The following KAT7 variants were observed in gnomAD, a reference collection of about 807,000 sequenced individuals.
KAT7 encodes the protein lysine acetyltransferase 7, also known as histone acetyltransferase KAT7.
KAT7 carries 10 observed loss-of-function variants against 82.1 expected under a neutral mutation model. That is an observed-to-expected ratio of 0.12 (90% confidence interval 0.08 to 0.21). KAT7 has a LOEUF of 0.21. KAT7 is among the 10% of genes least tolerant of loss of function. KAT7 has a pLI of 1.00. For synonymous variants in KAT7, 250 were observed against 262.5 expected, an observed-to-expected ratio of 0.95 and a Z score of 0.46; for missense variants, 378 against 760.9, an observed-to-expected ratio of 0.50 and a Z score of 5.92.
At position 49,828,720 on chromosome 17, in the gene KAT7, C is replaced by T. The variant is rs1234950520; in HGVS notation, c.*1218C>T. On this transcript the variant is annotated 3_prime_UTR_variant, in exon 15 of 15. Transcript: ENST00000259021. ...GGAAGAGATGTTCCCTCTAATTTCT[C>T]TCTAGCCCATTATAACCTGCTATCT... The T allele has an allele frequency of 1.3e-5, 2 of 153,052 alleles. No homozygotes were observed. The highest frequency in any genetic ancestry group is 1.9e-4 in the East Asian group (1 of 5,194). The allele number at this position is 153,052 out of a possible 1,614,324, so 9.5% of individuals were successfully genotyped here.
At chr17:49,805,476 C>T (rs761282670) in intron 5 of KAT7, 31 bp downstream of exon 5, 37 of 1,498,570 alleles carry the variant, frequency 2.5e-5, no homozygotes, top group Non-Finnish European at 3.3e-5. Context: ...TCAACACATG[C>T]TTATTGAGTG....
chr17:49,832,773 G>T lies in KAT7; in HGVS notation c.*5271G>T, dbSNP rs2074434823. On this transcript the variant is annotated 3_prime_UTR_variant, in exon 15 of 15. Transcript: ENST00000259021. ...GTGCACATATGTACAGCATATCAAAGTGTTGAATGTCATGAGAATAAAATA... is the reference window on the plus strand; with the variant it reads ...GTGCACATATGTACAGCATATCAAATTGTTGAATGTCATGAGAATAAAATA... The T allele has an allele frequency of 6.6e-6, 1 of 152,194 alleles. No homozygotes were observed. Among genetic ancestry groups the T allele is most frequent in the African/African-American group, 2.4e-5 (1 of 41,436 alleles). The allele number at this position is 152,194 out of a possible 1,614,324, so 9.4% of individuals were successfully genotyped here.
At chr17:49,811,094 T>G (rs908804901) in intron 6 of KAT7, among the ~76,000 whole-genome samples, 2 of 152,006 alleles carry the variant, frequency 1.3e-5, no homozygotes, top group African/African-American at 4.8e-5. Context: ...TTTTTTTACA[T>G]GTTTTGGTAC....
At position 49,834,878 on chromosome 17, in the gene KAT7, C is replaced by T. The variant is rs1462266920; in HGVS notation, c.*7376C>T. ...AATTAGTTGGGCATGGTGGTGTGCA[C>T]CCGTAGTGCCAGCTACTCAGGAGGC... On this transcript the variant is annotated 3_prime_UTR_variant, in exon 15 of 15. Coordinates refer to ENST00000259021, the MANE Select transcript of KAT7 (RefSeq NM_007067.5). 2 of 152,126 alleles carry T rather than the reference C, an allele frequency of 1.3e-5. No individual in the cohort carries two copies. Among genetic ancestry groups the T allele is most frequent in the East Asian group, 1.9e-4 (1 of 5,186 alleles). The allele number at this position is 152,126 out of a possible 1,614,324, so 9.4% of individuals were successfully genotyped here.
Position 49,830,599 on chromosome 17 carries a change from A to G in KAT7, c.*3097A>G, listed in dbSNP as rs1473500665. On this transcript the variant is annotated 3_prime_UTR_variant, in exon 15 of 15. Coordinates refer to ENST00000259021, the MANE Select transcript of KAT7 (RefSeq NM_007067.5). The stretch of plus-strand genomic sequence containing the variant: ...CCTGCTCAATGGAAGTACCTACTCT[A>G]TTGGTTGCTTCCCATATGGTTGTCA... 6.6e-6 allele frequency: 1 copy of G among 152,182 alleles called. No individual in the cohort carries two copies. Among genetic ancestry groups the G allele is most frequent in the Non-Finnish European group, 1.5e-5 (1 of 68,054 alleles). The allele number at this position is 152,182 out of a possible 1,614,324, so 9.4% of individuals were successfully genotyped here. A position where few individuals can be genotyped will look rare whatever the true frequency, so the allele number is the denominator to read the frequency against.
intron 4 of KAT7, among the ~76,000 whole-genome samples, chr17:49,801,193 A>G (rs949386521): frequency 2.6e-5 from 4 of 152,170 alleles, no homozygotes; most frequent in African/African-American, 9.7e-5. Flanking sequence ...TTGTTTATTT[A>G]TTTATTTTGG....
intron 1 of KAT7, 82 bp downstream of exon 1, chr17:49,788,931 T>C: frequency 7.6e-7 from 1 of 1,321,362 alleles, no homozygotes. Context: ...CGCCTCACAG[T>C]GCTTGGGTCC....
chr17:49,798,618 C>A, intron 4 of KAT7, 60 bp downstream of exon 4: 2 of 1,520,128 alleles, frequency 1.3e-6, no homozygotes, highest in Non-Finnish European at 1.8e-6. Context: ...CCAGGATCAT[C>A]CAGAAATGTT....
At chr17:49,805,523 A>T (rs1345707620) in intron 5 of KAT7, 78 bp downstream of exon 5, 2 of 939,142 alleles carry the variant, frequency 2.1e-6, no homozygotes, top group Non-Finnish European at 3.4e-6. Context: ...AACACTGGGG[A>T]TACAGTGGCC....
intron 7 of KAT7, among the ~76,000 whole-genome samples, chr17:49,812,316 C>T (rs1036896186): frequency 6.6e-6 from 1 of 150,972 alleles, no homozygotes; most frequent in Non-Finnish European, 1.5e-5. Context: ...CCTCTGCCTC[C>T]TGGGCTCAAG....
In KAT7 at chr17:49,834,893, A is replaced by G. The variant is rs1393549036; in HGVS notation, c.*7391A>G. 6.6e-6 allele frequency: 1 copy of G among 152,282 alleles called. No individual in the cohort carries two copies. The highest frequency in any genetic ancestry group is 1.5e-5 in the Non-Finnish European group (1 of 68,146). The allele number at this position is 152,282 out of a possible 1,614,324, so 9.4% of individuals were successfully genotyped here. On this transcript the variant is annotated 3_prime_UTR_variant, in exon 15 of 15. Transcript: ENST00000259021. ...GTGGTGTGCACCCGTAGTGCCAGCT[A>G]CTCAGGAGGCTGAGGTAGGAGGATC...
chr17:49,820,694 C>T (rs2074291795), intron 9 of KAT7, among the ~76,000 whole-genome samples: 1 of 151,030 alleles, frequency 6.6e-6, no homozygotes, highest in Admixed American at 6.6e-5. Context: ...GTACTTTGTG[C>T]TCCCTTGTGG....
At chr17:49,799,727 G>T (rs1015665900) in intron 4 of KAT7, among the ~76,000 whole-genome samples, 3 of 152,114 alleles carry the variant, frequency 2.0e-5, no homozygotes, top group Admixed American at 6.5e-5. Flanking sequence ...GCAGTGGCAT[G>T]ATCATAGCTC....
chr17:49,821,550 A>T (rs980423106), intron 10 of KAT7, 100 bp from the exon 11 acceptor site: 11 of 1,526,116 alleles, frequency 7.2e-6, no homozygotes, highest in Admixed American at 1.7e-5. Context: ...CAAAATACAC[A>T]ATGTGTTTCA....
At chr17:49,819,638 A>G (rs986911203) in intron 9 of KAT7, among the ~76,000 whole-genome samples, 8 of 152,230 alleles carry the variant, frequency 5.3e-5, no homozygotes, top group African/African-American at 1.9e-4. Flanking sequence ...AATCTTCCAT[A>G]TTATATGATA....
intron 4 of KAT7, among the ~76,000 whole-genome samples, 169 bp from the exon 5 acceptor site, chr17:49,805,194 G>A (rs2143899098): frequency 6.6e-6 from 1 of 152,320 alleles, no homozygotes; most frequent in East Asian, 1.9e-4. Context: ...TGGAAGAAAA[G>A]AATGAGTGTA....
chr17:49,796,157 T>C (rs538799356), intron 2 of KAT7, among the ~76,000 whole-genome samples: 1 of 152,314 alleles, frequency 6.6e-6, no homozygotes, highest in Admixed American at 6.5e-5. Context: ...CATTCCTGCT[T>C]TACCTTTATG....
chr17:49,796,985 A>C, intron 3 of KAT7, 59 bp downstream of exon 3: 2 of 1,494,408 alleles, frequency 1.3e-6, no homozygotes, highest in South Asian at 1.2e-5. Context: ...AATTCTTTTT[A>C]AGGAGGGCTT....
In KAT7 at chr17:49,801,298, G is replaced by A. The variant is rs1372970253; in HGVS notation, c.580+2740G>A. ...TCCCGGGCTCAAGTGATTCTCATGCGTCAGCTGCCTGAGTAGCTGGGGATT... is the reference window on the plus strand; with the variant it reads ...TCCCGGGCTCAAGTGATTCTCATGCATCAGCTGCCTGAGTAGCTGGGGATT... On this transcript the variant is annotated intron_variant, in intron 4 of 14. Coordinates refer to ENST00000259021, the MANE Select transcript of KAT7 (RefSeq NM_007067.5). 3.3e-5 allele frequency among the ~76,000 whole-genome samples: 5 copies of A among 151,956 alleles called. 1 individual carries two copies. Among genetic ancestry groups the A allele is most frequent in the Non-Finnish European group, 7.4e-5 (5 of 67,984 alleles).
Sources: gnomAD v4.1 joint callset for allele counts (sites outside exome capture counted in the v4.1 genomes callset) on GRCh38, gnomAD v4.1.1 for gene constraint, MANE v1.5 for transcripts, NCBI Gene and HGNC (gene_info 2026-07-23, HGNC 2026-07-21) for gene names.